Variants in TUSC3 observed in about 807,000 individuals in gnomAD.
TUSC3 encodes dolichyl-diphosphooligosaccharide--protein glycosyltransferase subunit TUSC3.
In TUSC3, 45 loss-of-function variants were observed where a neutral mutation model predicts 44.8. The ratio of observed to expected loss-of-function variants is 1.00; its 90% CI spans 0.79 to 1.29. The LOEUF is 1.29. TUSC3 is among the 50% of genes most tolerant of loss of function. The pLI, the probability that TUSC3 is intolerant of heterozygous loss-of-function variation, is 0.00. For synonymous variants in TUSC3, 212 were observed against 152.9 expected (o/e 1.39, Z -2.85); for missense variants, 519 against 437.9 (o/e 1.19, Z -1.65).
At chr8:15,738,827 CTTTTTTTTTTT>C (rs375655033) in intron 7 of TUSC3, among the ~76,000 whole-genome samples, 147 of 87,200 alleles carry the variant, frequency 1.7e-3, no homozygotes, top group African/African-American at 6.4e-3. Flanking sequence ...ATATATCTTG[CTTTTTTTTTTT>C]TTTTTTTTTT....
chr8:15,420,068 A>C (rs1799719025), intron 1 of TUSC3, among the ~76,000 whole-genome samples: 1 of 152,160 alleles, frequency 6.6e-6, no homozygotes, highest in African/African-American at 2.4e-5. Flanking sequence ...TTTTGATGTA[A>C]TGATGCCAAA....
At chr8:15,500,095 A>G (rs1800938566) in intron 2 of TUSC3, among the ~76,000 whole-genome samples, 1 of 152,050 alleles carries the variant, frequency 6.6e-6, no homozygotes. Flanking sequence ...TATATCCTCT[A>G]TTACCTTGAC....
chr8:15,466,469 A>G (rs2129122434), intron 1 of TUSC3, among the ~76,000 whole-genome samples: 1 of 152,294 alleles, frequency 6.6e-6, no homozygotes, highest in South Asian at 2.1e-4. Context: ...TGTAGGAAAA[A>G]AATGCTTATA....
chr8:15,751,414 G>C (rs958697175), intron 9 of TUSC3, among the ~76,000 whole-genome samples: 8 of 152,192 alleles, frequency 5.3e-5, no homozygotes, highest in Non-Finnish European at 1.0e-4. Flanking sequence ...TCTTTATACT[G>C]TTCTCTTCAG....
chr8:15,457,320 A>T lies in TUSC3; in HGVS notation n.92-26066A>T, dbSNP rs557615763. On this transcript the variant is annotated intron_variant and non_coding_transcript_variant, in intron 1 of 5. Transcript: ENST00000503191. ...ACCCTAGAACTTAAAGTATAATAAA[A>T]ATATATATATATTTAAAAAAACAAA... Among the ~76,000 whole-genome samples, 64 of 151,832 alleles carry T rather than the reference A, an allele frequency of 4.2e-4. 1 individual carries two copies. Among genetic ancestry groups the T allele is most frequent in the African/African-American group, 1.4e-3 (56 of 41,476 alleles).
At chr8:15,491,828 C>G (rs1451841619) in intron 2 of TUSC3, among the ~76,000 whole-genome samples, 1 of 152,218 alleles carries the variant, frequency 6.6e-6, no homozygotes, top group Non-Finnish European at 1.5e-5. Flanking sequence ...AAGTTAATAG[C>G]TAACATTTGA....
intron 1 of TUSC3, among the ~76,000 whole-genome samples, chr8:15,617,755 A>C (rs1489908637): frequency 7.9e-5 from 12 of 152,228 alleles, no homozygotes; most frequent in Non-Finnish European, 1.5e-5. Flanking sequence ...AATGCAGTCA[A>C]GTTCAGTTGT....
intron 2 of TUSC3, among the ~76,000 whole-genome samples, chr8:15,645,047 T>C (rs1042594125): frequency 6.6e-6 from 1 of 152,126 alleles, no homozygotes. Context: ...TACATAATAT[T>C]TTAATAGTCT....
chr8:15,692,375 G>GTTTGTTT (rs1808948689), intron 6 of TUSC3, among the ~76,000 whole-genome samples: 1 of 68,336 alleles, frequency 1.5e-5, no homozygotes, highest in Non-Finnish European at 2.6e-5. Flanking sequence ...CCCCCCCTTT[G>GTTTGTTT]TTTTTTTTTT....
At chr8:15,844,908 T>C in the TUSC3 span, among the ~76,000 whole-genome samples, 7 of 152,166 alleles carry the variant, frequency 4.6e-5, no homozygotes, top group Non-Finnish European at 1.0e-4. Flanking sequence ...GAGATGATCG[T>C]GAGTGGTCTT....
chr8:15,709,133 T>G (rs1008728059), intron 6 of TUSC3, among the ~76,000 whole-genome samples: 5 of 151,892 alleles, frequency 3.3e-5, no homozygotes, highest in Non-Finnish European at 1.5e-5. Context: ...AGCCAAATGT[T>G]AGATTATATT....
chr8:15,618,613 C>A (rs978511807), intron 1 of TUSC3, among the ~76,000 whole-genome samples: 1 of 152,096 alleles, frequency 6.6e-6, no homozygotes, highest in Admixed American at 6.6e-5. Flanking sequence ...TCGTAAAGGA[C>A]CTGCCTGAGG....
chr8:15,719,019 C>T lies in TUSC3; in HGVS notation c.799-11647C>T, dbSNP rs575729934. Among the ~76,000 whole-genome samples the T allele has an allele frequency of 3.9e-5, 6 of 152,014 alleles. 1 individual carries two copies. The East Asian group carries it at 1.2e-3, about 30-fold the overall frequency. On this transcript the variant is annotated intron_variant, in intron 6 of 10. Transcript: ENST00000503731. ...GCTCCAGGATAAGATCACTTCTTAC[C>T]ACCTGCTGTCAAACTGCTTTACGTC...
intron 2 of TUSC3, among the ~76,000 whole-genome samples, chr8:15,486,298 C>T (rs983775092): frequency 2.0e-5 from 3 of 152,090 alleles, no homozygotes; most frequent in Non-Finnish European, 4.4e-5. Flanking sequence ...AGACTTGAAG[C>T]ATGGTTTTCA....
intron 1 of TUSC3, among the ~76,000 whole-genome samples, chr8:15,463,019 G>T (rs560307497): frequency 6.6e-6 from 1 of 151,850 alleles, no homozygotes; most frequent in Admixed American, 6.6e-5. Context: ...TTTATTTTCT[G>T]TTTCTCCTCC....
rs180677432 is a variant in TUSC3, at chr8:15,548,251, C to G, written c.138+7683C>G. On this transcript the variant is annotated intron_variant, in intron 1 of 10. Coordinates refer to ENST00000503731, the MANE Select transcript of TUSC3 (RefSeq NM_006765.4). ...GACAAACTATTTGTCTAACTTTTGT[C>G]TTTACTGACAGTAGATTGGTTTGGT... 3.0e-3 allele frequency among the ~76,000 whole-genome samples: 459 copies of G among 151,942 alleles called. 3 individuals are homozygous for G. Among genetic ancestry groups the G allele is most frequent in the African/African-American group, 0.011 (448 of 41,528 alleles).
At chr8:15,525,914 A>G (rs1801367538) in intron 2 of TUSC3, among the ~76,000 whole-genome samples, 1 of 152,204 alleles carries the variant, frequency 6.6e-6, no homozygotes, top group South Asian at 2.1e-4. Flanking sequence ...CAGGCTGGGA[A>G]GACAAAAACT....
chr8:15,584,375 C>G (rs958544273), intron 1 of TUSC3, among the ~76,000 whole-genome samples: 1 of 152,098 alleles, frequency 6.6e-6, no homozygotes, highest in Non-Finnish European at 1.5e-5. Context: ...TAGGAATTGT[C>G]TTACAATTCT....
the TUSC3 span, among the ~76,000 whole-genome samples, chr8:15,820,900 G>A: frequency 3.3e-5 from 5 of 152,154 alleles, no homozygotes; most frequent in Non-Finnish European, 7.4e-5. Flanking sequence ...TGCAATGTAT[G>A]TAGATGTAAT....
Sources: gnomAD v4.1 joint callset for allele counts (sites outside exome capture counted in the v4.1 genomes callset) on GRCh38, gnomAD v4.1.1 for gene constraint, MANE v1.5 for transcripts, NCBI Gene and HGNC (gene_info 2026-07-23, HGNC 2026-07-21) for gene names.